Variants in EML4 observed in about 807,000 individuals in gnomAD.
EML4 encodes the protein EMAP like 4.
EML4 carries 72 observed loss-of-function variants against 129.0 expected under a neutral mutation model. The ratio of observed to expected loss-of-function variants is 0.56; its 90% CI spans 0.46 to 0.68. The LOEUF is 0.68. Ranked by LOEUF, EML4 falls within the 30% of genes least tolerant of loss-of-function variation. The pLI, the probability that EML4 is intolerant of heterozygous loss-of-function variation, is 0.00. For synonymous variants in EML4, 532 were observed against 405.0 expected (o/e 1.31, Z -3.77); for missense variants, 1,363 against 1,190.6 (o/e 1.14, Z -2.13).
intron 1 of EML4, among the ~76,000 whole-genome samples, chr2:42,219,581 G>C (rs752079559): frequency 6.6e-6 from 1 of 152,114 alleles, no homozygotes; most frequent in African/African-American, 2.4e-5. Flanking sequence ...AAAAGTTTAT[G>C]TATGTGGTTT....
At chr2:42,262,806 A>G (rs1665815221) in intron 4 of EML4, among the ~76,000 whole-genome samples, 1 of 152,200 alleles carries the variant, frequency 6.6e-6, no homozygotes. Flanking sequence ...TTGCACAAAA[A>G]ATGAAAATGG....
intron 19 of EML4, among the ~76,000 whole-genome samples, chr2:42,324,533 A>T (rs1009345225): frequency 2.0e-5 from 3 of 152,166 alleles, no homozygotes; most frequent in African/African-American, 7.2e-5. Context: ...TGGAAGGATC[A>T]CCTGAGCCCA....
At chr2:42,273,083 C>T (rs1185869868) in intron 6 of EML4, among the ~76,000 whole-genome samples, 1 of 151,980 alleles carries the variant, frequency 6.6e-6, no homozygotes, top group Non-Finnish European at 1.5e-5. Context: ...TTGAAGTTTC[C>T]TTTTCAAATT....
intron 1 of EML4, among the ~76,000 whole-genome samples, chr2:42,175,094 C>T (rs1406314392): frequency 2.7e-5 from 4 of 149,454 alleles, no homozygotes; most frequent in South Asian, 2.1e-4. Context: ...TGTGAGCCAC[C>T]GTGCCTGGCC....
At chr2:42,321,637 C>T (rs1486412438) in intron 19 of EML4, among the ~76,000 whole-genome samples, 3 of 152,102 alleles carry the variant, frequency 2.0e-5, no homozygotes, top group African/African-American at 7.2e-5. Context: ...GGAAGCCCCA[C>T]ACAATGACTT....
chr2:42,228,013 AG>A (rs1436027551), intron 1 of EML4, among the ~76,000 whole-genome samples: 1 of 152,166 alleles, frequency 6.6e-6, no homozygotes, highest in Non-Finnish European at 1.5e-5. Context: ...TGAGGTCAGG[AG>A]TACAGAAGCA....
chr2:42,242,561 A>G (rs1056850087), intron 1 of EML4, among the ~76,000 whole-genome samples: 8 of 152,072 alleles, frequency 5.3e-5, no homozygotes, highest in South Asian at 4.1e-4. Flanking sequence ...GGGAAATTCA[A>G]GAGGGCTTCA....
intron 1 of EML4, among the ~76,000 whole-genome samples, chr2:42,206,727 A>G (rs1572542151): frequency 6.6e-6 from 1 of 152,344 alleles, no homozygotes; most frequent in East Asian, 1.9e-4. Flanking sequence ...CGTATAATAC[A>G]TAAGTGATGT....
At position 42,315,424 on chromosome 2, in the gene EML4, G is replaced by T. The variant is rs72972055; in HGVS notation, c.1968-538G>T. On this transcript the variant is annotated intron_variant, in intron 17 of 22. Coordinates refer to ENST00000318522, the MANE Select transcript of EML4 (RefSeq NM_019063.5). ...GCCTAGCAAAGAGACAGGAATGGCA[G>T]TCAATGAATACCCAAATAGACATGA... 9.4e-3 allele frequency among the ~76,000 whole-genome samples: 1,425 copies of T among 152,296 alleles called. 33 individuals are homozygous for T. Among genetic ancestry groups the T allele is most frequent in the African/African-American group, 0.032 (1,347 of 41,554 alleles).
chr2:42,246,861 T>C (rs1675434257), intron 2 of EML4, among the ~76,000 whole-genome samples: 1 of 152,228 alleles, frequency 6.6e-6, no homozygotes, highest in Non-Finnish European at 1.5e-5. Flanking sequence ...GACCATTGGA[T>C]TCGGCATTTA....
chr2:42,301,254 C>G lies in EML4; in HGVS notation c.1503C>G (p.Ile501Met), dbSNP rs1668269565. The change falls in exon 14 of 23, where the codon ATC becomes ATG. Residue 501 changes from isoleucine (I) to methionine (M), a missense_variant. Ile to Met is a conservative substitution (Grantham distance 10). Transcript: ENST00000318522. ...CCCTCATATTAGGTGTATATCAAAT[C>G]AGCAAACAAATCAAAGCTCATGATG... is the stretch of plus-strand genomic sequence containing the variant. ...PGKGPKGVYQISKQIKAHDGS... is the reference protein window; with the variant it reads ...PGKGPKGVYQMSKQIKAHDGS... 6.2e-7 allele frequency: 1 copy of G among 1,611,012 alleles called. No individual in the cohort carries two copies. The highest frequency in any genetic ancestry group is 1.3e-5 in the African/African-American group (1 of 74,692).
At chr2:42,249,024 TAGCATATCGTTGA>T (rs903703998) in intron 2 of EML4, among the ~76,000 whole-genome samples, 1 of 152,198 alleles carries the variant, frequency 6.6e-6, no homozygotes, top group Admixed American at 6.5e-5. Flanking sequence ...AGTTTATTTA[TAGCATATCGTTGA>T]AAGCAATTGG....
At chr2:42,190,187 G>T (rs2103894913) in intron 1 of EML4, among the ~76,000 whole-genome samples, 1 of 152,320 alleles carries the variant, frequency 6.6e-6, no homozygotes, top group South Asian at 2.1e-4. Context: ...CTATTTGAGT[G>T]TGTATGTGTT....
intron 17 of EML4, among the ~76,000 whole-genome samples, chr2:42,307,029 T>C (rs188077630): frequency 2.0e-5 from 3 of 152,332 alleles, no homozygotes; most frequent in Admixed American, 1.3e-4. Context: ...GACAATTAAA[T>C]CACTGATTGA....
At chr2:42,320,693 G>C (rs1380970602) in intron 19 of EML4, among the ~76,000 whole-genome samples, 1 of 152,142 alleles carries the variant, frequency 6.6e-6, no homozygotes, top group Non-Finnish European at 1.5e-5. Flanking sequence ...TAAGTGTCCT[G>C]ATTGACCTAA....
At chr2:42,266,847 T>C (rs1459346348) in intron 6 of EML4, among the ~76,000 whole-genome samples, 1 of 152,080 alleles carries the variant, frequency 6.6e-6, no homozygotes, top group Admixed American at 6.6e-5. Flanking sequence ...TACTGAAGGA[T>C]GAAATAATAT....
intron 1 of EML4, among the ~76,000 whole-genome samples, chr2:42,200,326 A>C (rs560461324): frequency 2.0e-5 from 3 of 152,262 alleles, no homozygotes; most frequent in Admixed American, 1.3e-4. Flanking sequence ...CTACGCCTCA[A>C]AAAAAGAGGA....
At chr2:42,172,650 A>T (rs1670347671) in intron 1 of EML4, among the ~76,000 whole-genome samples, 1 of 151,846 alleles carries the variant, frequency 6.6e-6, no homozygotes, top group Admixed American at 6.6e-5. Context: ...GCACTTTAGA[A>T]ACCTTTTTTT....
chr2:42,169,504 G>A lies in EML4; in HGVS notation c.-108G>A, dbSNP rs1234705845. 1.5e-6 allele frequency: 2 copies of A among 1,336,752 alleles called. No homozygotes were observed. The highest frequency in any genetic ancestry group is 2.8e-5 in the East Asian group (1 of 36,146). The allele number at this position is 1,336,752 out of a possible 1,614,324, so 82.8% of individuals were successfully genotyped here. On this transcript the variant is annotated 5_prime_UTR_variant, in exon 1 of 23. Coordinates refer to ENST00000318522, the MANE Select transcript of EML4 (RefSeq NM_019063.5). Reference sequence around the variant, plus strand: ...GGAGGCGGGAGCCGGTAGCCGAGCCGGGCGACCTAGAGAACGAGCGGGTCA... The same window carrying A: ...GGAGGCGGGAGCCGGTAGCCGAGCCAGGCGACCTAGAGAACGAGCGGGTCA...
Sources: allele counts gnomAD v4.1 joint callset (sites outside exome capture counted in the v4.1 genomes callset), GRCh38; gene constraint gnomAD v4.1.1; transcripts MANE v1.5; gene names NCBI Gene and HGNC (gene_info 2026-07-23, HGNC 2026-07-21).